CACNA2D3: variants seen among roughly 807,000 people sequenced by gnomAD.
CACNA2D3 encodes the protein calcium voltage-gated channel auxiliary subunit alpha2delta 3.
A neutral mutation model predicts 160.6 loss-of-function variants in CACNA2D3; 60 were observed. The ratio of observed to expected loss-of-function variants is 0.37; its 90% confidence interval spans 0.30 to 0.46. The LOEUF is 0.46. Ranked by LOEUF, CACNA2D3 falls within the 20% of genes least tolerant of loss-of-function variation. CACNA2D3 has a pLI of 1.00. For missense variants in CACNA2D3, 1,205 were observed against 1,365.0 expected (o/e 0.88, Z 1.85); for synonymous variants, 558 against 492.9 (o/e 1.13, Z -1.75).
chr3:54,828,609 T>A (rs139049002), intron 14 of CACNA2D3, among the ~76,000 whole-genome samples: 1 of 152,372 alleles, frequency 6.6e-6, no homozygotes, highest in East Asian at 1.9e-4. Flanking sequence ...TGTTTTTAGA[T>A]TCTCATATAG....
intron 9 of CACNA2D3, among the ~76,000 whole-genome samples, chr3:54,603,433 TCTCTCTGG>T (rs1404479464): frequency 1.3e-5 from 2 of 152,108 alleles, no homozygotes; most frequent in Non-Finnish European, 2.9e-5. Context: ...TCCTTAGGGG[TCTCTCTGG>T]CTCCCAGAAG....
intron 10 of CACNA2D3, among the ~76,000 whole-genome samples, chr3:54,628,197 G>T (rs1465938743): frequency 6.6e-6 from 1 of 151,972 alleles, no homozygotes; most frequent in Non-Finnish European, 1.5e-5. Context: ...GTGCACTCCA[G>T]CCTGGGTGAC....
intron 11 of CACNA2D3, among the ~76,000 whole-genome samples, chr3:54,663,843 G>T (rs1700015056): frequency 6.6e-6 from 1 of 152,172 alleles, no homozygotes; most frequent in Admixed American, 6.5e-5. Context: ...GTGGAAGATG[G>T]CCACTTCACT....
chr3:54,740,386 A>G (rs1326220821), intron 11 of CACNA2D3, among the ~76,000 whole-genome samples: 1 of 152,052 alleles, frequency 6.6e-6, no homozygotes, highest in East Asian at 1.9e-4. Context: ...CACCCTATTC[A>G]CCTGAGGCTA....
intron 25 of CACNA2D3, 112 bp downstream of exon 25, chr3:54,891,562 C>T (rs1459833018): frequency 3.7e-6 from 3 of 804,290 alleles, no homozygotes; most frequent in Non-Finnish European, 6.1e-6. Context: ...TAATTTAGGC[C>T]ACCCCAGGCC....
chr3:54,493,014 T>C (rs184352730), intron 4 of CACNA2D3, among the ~76,000 whole-genome samples: 10 of 150,936 alleles, frequency 6.6e-5, no homozygotes, highest in Admixed American at 2.0e-4. Context: ...GTAGTACATA[T>C]GAGTTATAAA....
chr3:54,622,438 G>T (rs1699008998), intron 9 of CACNA2D3, among the ~76,000 whole-genome samples: 2 of 152,126 alleles, frequency 1.3e-5, no homozygotes. Flanking sequence ...ACCACGTCTG[G>T]CTAATTTTTT....
chr3:54,403,356 AACACACACACAC>A (rs55779518), intron 4 of CACNA2D3, among the ~76,000 whole-genome samples: 54 of 137,698 alleles, frequency 3.9e-4, no homozygotes, highest in Admixed American at 8.0e-4. Context: ...CCCTATCTCA[AACACACACACAC>A]ACACACACAC....
At chr3:54,303,544 A>G (rs1218567464) in intron 2 of CACNA2D3, among the ~76,000 whole-genome samples, 2 of 152,192 alleles carry the variant, frequency 1.3e-5, no homozygotes, top group African/African-American at 2.4e-5. Context: ...GTGCTATGAA[A>G]TGTATGACTG....
intron 11 of CACNA2D3, among the ~76,000 whole-genome samples, chr3:54,724,496 A>G (rs765409931): frequency 3.9e-5 from 6 of 152,340 alleles, no homozygotes; most frequent in Middle Eastern, 3.4e-3. Flanking sequence ...CACTTATTCT[A>G]AACTGGACCA....
At chr3:54,677,453 G>A (rs1353706429) in intron 11 of CACNA2D3, among the ~76,000 whole-genome samples, 1 of 151,960 alleles carries the variant, frequency 6.6e-6, no homozygotes, top group Non-Finnish European at 1.5e-5. Context: ...AAAAGAACAG[G>A]CCTCTATTTA....
At chr3:54,290,066 A>C (rs1703147758) in intron 2 of CACNA2D3, among the ~76,000 whole-genome samples, 1 of 151,626 alleles carries the variant, frequency 6.6e-6, no homozygotes, top group African/African-American at 2.4e-5. Context: ...ATGGGATCTA[A>C]TTAAACTAAA....
chr3:54,317,731 G>A (rs1703897777), intron 2 of CACNA2D3, among the ~76,000 whole-genome samples: 1 of 152,136 alleles, frequency 6.6e-6, no homozygotes, highest in South Asian at 2.1e-4. Context: ...TAGAGATGGG[G>A]TTTCACCATG....
chr3:54,376,089 G>A (rs1218670747), intron 3 of CACNA2D3, among the ~76,000 whole-genome samples: 2 of 152,064 alleles, frequency 1.3e-5, no homozygotes, highest in African/African-American at 4.8e-5. Context: ...TGGGTCTTAT[G>A]GCCCATGAGA....
At chr3:54,498,062 T>G (rs918026890) in intron 4 of CACNA2D3, among the ~76,000 whole-genome samples, 12 of 151,558 alleles carry the variant, frequency 7.9e-5, no homozygotes, top group African/African-American at 2.9e-4. Context: ...TTTTTTAAAG[T>G]TCTTGTTTGG....
intron 8 of CACNA2D3, among the ~76,000 whole-genome samples, chr3:54,581,497 A>G (rs1375994534): frequency 1.3e-5 from 2 of 152,164 alleles, no homozygotes; most frequent in Non-Finnish European, 2.9e-5. Flanking sequence ...AGCCATGCCC[A>G]GGGAACTGCC....
intron 17 of CACNA2D3, among the ~76,000 whole-genome samples, chr3:54,865,580 C>G (rs543758778): frequency 8.5e-5 from 13 of 152,328 alleles, no homozygotes; most frequent in African/African-American, 3.1e-4. Flanking sequence ...TGCCACAGGC[C>G]CCTCTGGCCT....
intron 21 of CACNA2D3, 104 bp from the exon 22 acceptor site, chr3:54,885,177 T>TCTACCCTTAACCCACCC: frequency 8.6e-7 from 1 of 1,166,622 alleles, no homozygotes; most frequent in Non-Finnish European, 1.3e-6. Flanking sequence ...AGGGTTGATG[T>TCTACCCTTAACCCACCC]CTACCCTTAA....
At chr3:54,828,342 C>G (rs1703788819) in intron 14 of CACNA2D3, among the ~76,000 whole-genome samples, 1 of 152,284 alleles carries the variant, frequency 6.6e-6, no homozygotes, top group East Asian at 1.9e-4. Context: ...CCTGGGCATT[C>G]TTGAAATAAG....
Sources: gnomAD v4.1 joint callset for allele counts (sites outside exome capture counted in the v4.1 genomes callset) on GRCh38, gnomAD v4.1.1 for gene constraint, MANE v1.5 for transcripts, NCBI Gene and HGNC (gene_info 2026-07-23, HGNC 2026-07-21) for gene names.